Variants in ZNF84 observed in about 807,000 individuals in gnomAD.
ZNF84 encodes zinc finger protein 84.
A neutral mutation model predicts 14.8 loss-of-function variants in ZNF84; 12 were observed. The observed-to-expected ratio is 0.81, with a 90% CI of 0.52 to 1.31. The LOEUF (loss-of-function observed/expected upper bound fraction) is 1.31. Among genes scored for constraint, ZNF84 ranks in the 50% most tolerant of loss-of-function variants. ZNF84 has a pLI of 0.00. For synonymous variants in ZNF84, 347 were observed against 291.1 expected (o/e 1.19, Z -1.96); for missense variants, 859 against 878.6 (o/e 0.98, Z 0.28).
chr12:133,048,604 G>C, intron 3 of ZNF84, 149 bp from the exon 4 acceptor site: 2 of 566,438 alleles, frequency 3.5e-6, no homozygotes, highest in South Asian at 2.0e-5. Context: ...TAGCCACCAA[G>C]GGAGACCGTT....
chr12:133,054,361 G>A (rs749241539), intron 4 of ZNF84, among the ~76,000 whole-genome samples: 63 of 152,242 alleles, frequency 4.1e-4, no homozygotes, highest in Middle Eastern at 3.4e-3. Context: ...CAATATGGGC[G>A]ACAGAGCAAG....
Position 133,059,009 on chromosome 12 carries a change from T to A in ZNF84, c.*77T>A. The A allele has an allele frequency of 7.2e-7, 1 of 1,384,780 alleles. No homozygotes were observed. Among genetic ancestry groups the A allele is most frequent in the Non-Finnish European group, 9.8e-7 (1 of 1,024,140 alleles). The allele number at this position is 1,384,780 out of a possible 1,614,324, so 85.8% of individuals were successfully genotyped here. On this transcript the variant is annotated 3_prime_UTR_variant, in exon 5 of 5. Coordinates refer to ENST00000539354, the MANE Select transcript of ZNF84 (RefSeq NM_001289971.2). Reference sequence around the variant, plus strand: ...CAATTATGATAACGTTTGTAGACAGTCACGTCATGTTAGGTGTTTGTACTC... The same window carrying A: ...CAATTATGATAACGTTTGTAGACAGACACGTCATGTTAGGTGTTTGTACTC...
At chr12:133,052,321 G>A (rs1388355297) in intron 4 of ZNF84, among the ~76,000 whole-genome samples, 1 of 152,086 alleles carries the variant, frequency 6.6e-6, no homozygotes, top group Admixed American at 6.5e-5. Flanking sequence ...GAGAGAGAGA[G>A]AAGAGATCTC....
Position 133,063,020 on chromosome 12 carries a change from ACTAT to A in ZNF84, c.*4091_*4094del. On this transcript the variant is annotated 3_prime_UTR_variant, in exon 5 of 5. Coordinates refer to ENST00000539354, the MANE Select transcript of ZNF84 (RefSeq NM_001289971.2). ...ACTAGAAAGCTTCTAGAAAGCTAGT[ACTAT>A]CTTTTTTGTCTGTGTAATTTTTGCA... 2 of 688,704 alleles carry A rather than the reference ACTAT, an allele frequency of 2.9e-6. No individual in the cohort carries two copies. Among genetic ancestry groups the A allele is most frequent in the South Asian group, 1.5e-5 (1 of 65,972 alleles). The allele number at this position is 688,704 out of a possible 1,614,324, so 42.7% of individuals were successfully genotyped here.
chr12:133,040,169 C>T (rs1360225349), intron 1 of ZNF84, among the ~76,000 whole-genome samples: 4 of 151,534 alleles, frequency 2.6e-5, no homozygotes, highest in African/African-American at 9.7e-5. Flanking sequence ...TTTTAAACAC[C>T]AATAAATTTG....
At chr12:133,045,227 T>A (rs1366182649) in intron 2 of ZNF84, among the ~76,000 whole-genome samples, 1 of 152,128 alleles carries the variant, frequency 6.6e-6, no homozygotes, top group Non-Finnish European at 1.5e-5. Flanking sequence ...TCCCAGCACT[T>A]TGGGAGGCCG....
chr12:133,048,440 T>C (rs374013567), intron 3 of ZNF84: 5,278 of 291,888 alleles, frequency 0.018, 282 homozygotes, highest in African/African-American at 0.11. Flanking sequence ...GTACAGTCAT[T>C]ATCCATTTTT....
At chr12:133,039,478 A>G (rs369068444) in intron 1 of ZNF84, among the ~76,000 whole-genome samples, 11 of 152,338 alleles carry the variant, frequency 7.2e-5, no homozygotes, top group South Asian at 6.2e-4. Flanking sequence ...GAATTTTGCT[A>G]CTTACTAAAT....
At position 133,058,905 on chromosome 12, in the gene ZNF84, G is replaced by A. The variant is rs1489527271; in HGVS notation, c.2190G>A (p.Gln730=). 2 of 1,610,092 alleles carry A rather than the reference G, an allele frequency of 1.2e-6. No individual in the cohort carries two copies. Among genetic ancestry groups the A allele is most frequent in the African/African-American group, 2.7e-5 (2 of 74,818 alleles). The change falls in exon 5 of 5, where the codon CAG becomes CAA. Residue 730 remains glutamine (Q), a synonymous_variant. Transcript: ENST00000539354. ...FSQKSQLINH[Q]RTHTVKKS Reference sequence around the variant, plus strand: ...AGAAGTCACAGCTCATCAATCATCAGAGAACTCATACAGTAAAAAAATCCT... The same window carrying A: ...AGAAGTCACAGCTCATCAATCATCAAAGAACTCATACAGTAAAAAAATCCT...
chr12:133,041,905 C>T (rs1953895463), intron 2 of ZNF84, among the ~76,000 whole-genome samples: 2 of 152,190 alleles, frequency 1.3e-5, no homozygotes, highest in Middle Eastern at 3.4e-3. Context: ...GCAGTAGTTC[C>T]TCCTTATCTG....
intron 4 of ZNF84, among the ~76,000 whole-genome samples, chr12:133,049,717 G>A (rs1414166564): frequency 4.6e-5 from 7 of 152,034 alleles, no homozygotes; most frequent in Admixed American, 4.6e-4. Flanking sequence ...TCCTGACCTT[G>A]TGATTCCCGC....
At position 133,053,133 on chromosome 12, in the gene ZNF84, A is replaced by C. The variant is rs1431176600; in HGVS notation, c.239-3821A>C. Among the ~76,000 whole-genome samples the C allele has an allele frequency of 3.9e-5, 6 of 152,358 alleles. No individual in the cohort carries two copies. In the East Asian group the frequency reaches 1.2e-3, roughly 29 times the overall value. On this transcript the variant is annotated intron_variant, in intron 4 of 4. Transcript: ENST00000539354. ...AAATGTAATTGGAAGCAGGGAAACC[A>C]ATTAGAAGGATATTTCATTGAGGTA... is the stretch of plus-strand genomic sequence containing the variant.
At chr12:133,046,882 A>ATGTAT (rs1555288786) in intron 2 of ZNF84, among the ~76,000 whole-genome samples, 1 of 140,942 alleles carries the variant, frequency 7.1e-6, no homozygotes, top group Non-Finnish European at 1.5e-5. Context: ...ATATATATTT[A>ATGTAT]TATATTATTT....
At chr12:133,047,426 G>A (rs1219059003) in intron 2 of ZNF84, among the ~76,000 whole-genome samples, 3 of 152,200 alleles carry the variant, frequency 2.0e-5, no homozygotes, top group Non-Finnish European at 2.9e-5. Flanking sequence ...GCAGCTGCCT[G>A]TCCAGCTTTG....
intron 4 of ZNF84, among the ~76,000 whole-genome samples, chr12:133,052,703 C>T (rs1243237192): frequency 6.6e-6 from 1 of 152,198 alleles, no homozygotes; most frequent in Non-Finnish European, 1.5e-5. Context: ...CTCATTTAAT[C>T]TTACTTCCTT....
chr12:133,059,372 G>A lies in ZNF84; in HGVS notation c.*440G>A. On this transcript the variant is annotated 3_prime_UTR_variant, in exon 5 of 5. Coordinates refer to ENST00000539354, the MANE Select transcript of ZNF84 (RefSeq NM_001289971.2). ...ATGAAAGTACTAAATATGGGACAGT[G>A]CAACAAGTAACGAGACTATTTTGTA... The A allele has an allele frequency of 4.8e-6, 1 of 209,214 alleles. No individual in the cohort carries two copies. The highest frequency in any genetic ancestry group is 9.4e-6 in the Non-Finnish European group (1 of 105,994). 13.0% of individuals were successfully genotyped at this position (209,214 alleles called of 1,614,324 possible).
Position 133,058,424 on chromosome 12 carries a change from C to T in ZNF84, c.1709C>T (p.Pro570Leu), listed in dbSNP as rs1954199800. The T allele has an allele frequency of 7.4e-6, 12 of 1,613,876 alleles. No individual in the cohort carries two copies. The highest frequency in any genetic ancestry group is 2.2e-5 in the South Asian group (2 of 91,084). The change falls in exon 5 of 5, where the codon CCG becomes CTG. Residue 570 changes from proline (P) to leucine (L), a missense_variant. Coordinates refer to ENST00000539354, the MANE Select transcript of ZNF84 (RefSeq NM_001289971.2). ...CAGAGAACTCATACTGGAGAAAAAC[C>T]GTATGAATGCAGGGACTGTGAAAAA... Reference protein sequence around the residue: ...THQRTHTGEKPYECRDCEKAF... With the variant: ...THQRTHTGEKLYECRDCEKAF...
chr12:133,042,185 C>G (rs1190265575), intron 2 of ZNF84, among the ~76,000 whole-genome samples: 1 of 152,094 alleles, frequency 6.6e-6, no homozygotes, highest in Non-Finnish European at 1.5e-5. Context: ...TTTAGTAGCC[C>G]TTATTTTACT....
intron 2 of ZNF84, among the ~76,000 whole-genome samples, chr12:133,042,756 T>C (rs1189941520): frequency 1.3e-5 from 2 of 152,170 alleles, no homozygotes; most frequent in African/African-American, 2.4e-5. Context: ...ACCATAATTA[T>C]TTACTTTTTA....
Sources: gnomAD v4.1 joint callset for allele counts (sites outside exome capture counted in the v4.1 genomes callset) on GRCh38, gnomAD v4.1.1 for gene constraint, MANE v1.5 for transcripts, NCBI Gene and HGNC (gene_info 2026-07-23, HGNC 2026-07-21) for gene names.